The following FGF9 variants were observed in gnomAD, a reference collection of about 807,000 sequenced individuals.
The protein encoded by FGF9 is fibroblast growth factor 9 (glia-activating factor).
In FGF9, 3 loss-of-function variants were observed where a neutral mutation model predicts 19.9. The observed-to-expected ratio is 0.15, with a 90% CI of 0.07 to 0.39. The LOEUF (loss-of-function observed/expected upper bound fraction) is 0.39. Among genes scored for constraint, FGF9 ranks in the 10% least tolerant of loss-of-function variants. FGF9 has a pLI of 1.00. For missense variants in FGF9, 175 were observed against 256.8 expected (o/e 0.68, Z 2.18); for synonymous variants, 107 against 106.9 (o/e 1.00, Z -0.01).
In FGF9 at chr13:21,681,091, C is replaced by A. The variant is rs34748315; in HGVS notation, c.327C>A (p.Gly109=). The A allele has an allele frequency of 6.2e-6, 10 of 1,613,998 alleles. No homozygotes were observed. The East Asian group carries it at 2.2e-4, about 36-fold the overall frequency. The part of the protein sequence containing the change: ...SIAVGLVSIR[G]VDSGLYLGMN... The stretch of plus-strand genomic sequence containing the variant: ...CAGTGGGCCTGGTCAGCATTCGAGG[C>A]GTGGACAGTGGACTCTACCTCGGGA... The change falls in exon 2 of 3, where the codon GGC becomes GGA. Residue 109 remains glycine, a synonymous_variant. Coordinates refer to ENST00000382353, the MANE Select transcript of FGF9 (RefSeq NM_002010.3).
At chr13:21,700,360 GAGTT>G (rs1361042334) in intron 2 of FGF9, among the ~76,000 whole-genome samples, 2 of 152,170 alleles carry the variant, frequency 1.3e-5, no homozygotes, top group Admixed American at 6.5e-5. Context: ...TGTAGACTGA[GAGTT>G]AGGATTCTGC....
chr13:21,683,490 CACCTT>C (rs1452147597), intron 2 of FGF9, among the ~76,000 whole-genome samples: 1 of 152,176 alleles, frequency 6.6e-6, no homozygotes, highest in African/African-American at 2.4e-5. Context: ...CTGGCTGCCT[CACCTT>C]GGGCTTTTTG....
intron 2 of FGF9, 68 bp downstream of exon 2, chr13:21,681,213 G>C: frequency 8.4e-7 from 1 of 1,190,406 alleles, no homozygotes; most frequent in African/African-American, 1.5e-5. Context: ...CTTTTCTCTG[G>C]ATTAAAAAGG....
At chr13:21,680,489 T>C (rs1164467952) in intron 1 of FGF9, among the ~76,000 whole-genome samples, 1 of 152,178 alleles carries the variant, frequency 6.6e-6, no homozygotes, top group Non-Finnish European at 1.5e-5. Flanking sequence ...GGTATTTATT[T>C]CTCCCAGTTC....
At chr13:21,699,867 T>C (rs1265152487) in intron 2 of FGF9, among the ~76,000 whole-genome samples, 1 of 152,188 alleles carries the variant, frequency 6.6e-6, no homozygotes, top group Non-Finnish European at 1.5e-5. Flanking sequence ...GTGTTTACTG[T>C]TTTAAACACT....
intron 2 of FGF9, among the ~76,000 whole-genome samples, chr13:21,697,948 C>T (rs1208925275): frequency 1.3e-5 from 2 of 152,002 alleles, no homozygotes; most frequent in East Asian, 3.9e-4. Flanking sequence ...GCTGGGACTA[C>T]AGGCGCCCAC....
intron 2 of FGF9, among the ~76,000 whole-genome samples, chr13:21,686,729 T>C (rs1165188864): frequency 6.6e-6 from 1 of 152,226 alleles, no homozygotes; most frequent in Non-Finnish European, 1.5e-5. Flanking sequence ...AGTTGGCACA[T>C]GGTAAATGTT....
rs374285670 is a variant in FGF9 at position 21,680,990 on chromosome 13, G to T, written c.278-52G>T. On this transcript the variant is annotated intron_variant, in intron 1 of 2. Transcript: ENST00000382353. ...AACCCCAGGGATGCTGGGACTCTAA[G>T]GACATGCTCTGTGATCTGATCTGTC... The T allele has an allele frequency of 1.6e-4, 219 of 1,396,186 alleles. No homozygotes were observed. The African/African-American group carries it at 2.9e-3, about 18-fold the overall frequency. 86.5% of individuals were successfully genotyped at this position (1,396,186 alleles called of 1,614,324 possible).
At chr13:21,694,482 C>A (rs564056332) in intron 2 of FGF9, among the ~76,000 whole-genome samples, 18 of 152,170 alleles carry the variant, frequency 1.2e-4, no homozygotes, top group Non-Finnish European at 2.1e-4. Context: ...AATTTTACTT[C>A]TCAGCCTTTT....
chr13:21,702,027 AT>A lies in FGF9; in HGVS notation c.*595del, dbSNP rs1872562887. 2 of 151,416 alleles carry A rather than the reference AT, an allele frequency of 1.3e-5. No individual in the cohort carries two copies. 9.4% of individuals were successfully genotyped at this position (151,416 alleles called of 1,614,324 possible). A position where few individuals can be genotyped will look rare whatever the true frequency, so the allele number is the denominator to read the frequency against. On this transcript the variant is annotated 3_prime_UTR_variant, in exon 3 of 3. Coordinates refer to ENST00000382353, the MANE Select transcript of FGF9 (RefSeq NM_002010.3). ...AAAAAATAAAAATAAAAAAAGTTAA[AT>A]TTATTTATAGAAATTCCAAAGGCAA...
rs17070333 is a variant in FGF9 at position 21,686,493 on chromosome 13, T to C, written c.381+5348T>C. On this transcript the variant is annotated intron_variant, in intron 2 of 2. Transcript: ENST00000382353. ...GGTACAGGTACTAACATTGTAAGGA[T>C]GTTGGAACATACAGCATGGAGTCTG... Among the ~76,000 whole-genome samples, 1,519 of 152,332 alleles carry C rather than the reference T, an allele frequency of 1.0e-2. 16 individuals are homozygous for C. Among genetic ancestry groups the C allele is most frequent in the Non-Finnish European group, 0.016 (1,074 of 68,024 alleles).
chr13:21,693,664 C>T (rs996704392), intron 2 of FGF9, among the ~76,000 whole-genome samples: 5 of 152,076 alleles, frequency 3.3e-5, no homozygotes, highest in Non-Finnish European at 5.9e-5. Flanking sequence ...ATGAATGAGC[C>T]CTGTCTATTG....
rs1053732177 is a variant in FGF9, at chr13:21,701,451, C to T, written c.*16C>T. The T allele has an allele frequency of 3.7e-6, 6 of 1,613,866 alleles. No individual in the cohort carries two copies. The highest frequency in any genetic ancestry group is 5.1e-6 in the Non-Finnish European group (6 of 1,179,928). ...CCAAAGTTGACAAAGACAGTTTCTT[C>T]ACTTGAGCCCTTAAAAAAGTAACCA... On this transcript the variant is annotated 3_prime_UTR_variant, in exon 3 of 3. Transcript: ENST00000382353.
In FGF9 at chr13:21,701,868, T is replaced by C. The variant is rs1330379615; in HGVS notation, c.*433T>C. 1 of 184,302 alleles carries C rather than the reference T, an allele frequency of 5.4e-6. No homozygotes were observed. The highest frequency in any genetic ancestry group is 5.5e-5 in the Admixed American group (1 of 18,202). 11.4% of individuals were successfully genotyped at this position (184,302 alleles called of 1,614,324 possible). A position where few individuals can be genotyped will look rare whatever the true frequency, so the allele number is the denominator to read the frequency against. ...TCCTATATCAGCACAGCTGCCATAC[T>C]TCGACTTATCAGGATTCTGGCTGGT... On this transcript the variant is annotated 3_prime_UTR_variant, in exon 3 of 3. Transcript: ENST00000382353.
rs1872598877 is a variant in FGF9 at position 21,703,892 on chromosome 13, T to G, written c.*2457T>G. 1 of 152,186 alleles carries G rather than the reference T, an allele frequency of 6.6e-6. No homozygotes were observed. Among genetic ancestry groups the G allele is most frequent in the Non-Finnish European group, 1.5e-5 (1 of 68,022 alleles). 9.4% of individuals were successfully genotyped at this position (152,186 alleles called of 1,614,324 possible). A position where few individuals can be genotyped will look rare whatever the true frequency, so the allele number is the denominator to read the frequency against. On this transcript the variant is annotated 3_prime_UTR_variant, in exon 3 of 3. Transcript: ENST00000382353. ...AGTTAATTTTGTTTGGTACTTTTTT[T>G]TTTTTTAAGACGAGCAAATTGTTAT...
At chr13:21,699,330 T>C (rs536879477) in intron 2 of FGF9, among the ~76,000 whole-genome samples, 3 of 152,352 alleles carry the variant, frequency 2.0e-5, no homozygotes, top group African/African-American at 7.2e-5. Flanking sequence ...ATCCTTTTTG[T>C]CTTTGCCTGA....
chr13:21,692,435 T>C (rs897807643), intron 2 of FGF9, among the ~76,000 whole-genome samples: 23 of 152,218 alleles, frequency 1.5e-4, no homozygotes, highest in African/African-American at 5.5e-4. Flanking sequence ...AGTCTATACT[T>C]GCATGCTGAC....
At chr13:21,681,392 A>T (rs1872039644) in intron 2 of FGF9, 1 of 379,850 alleles carries the variant, frequency 2.6e-6, no homozygotes, top group Non-Finnish European at 4.9e-6. Context: ...TCAAGTAAAT[A>T]AAAAAATTTA....
intron 2 of FGF9, among the ~76,000 whole-genome samples, chr13:21,698,405 TC>T (rs1791555959): frequency 6.6e-6 from 1 of 152,224 alleles, no homozygotes; most frequent in South Asian, 2.1e-4. Flanking sequence ...GGGAGCTTCC[TC>T]GGTGTTCAGC....
Sources: allele counts gnomAD v4.1 joint callset (sites outside exome capture counted in the v4.1 genomes callset), GRCh38; gene constraint gnomAD v4.1.1; transcripts MANE v1.5; gene names NCBI Gene and HGNC (gene_info 2026-07-23, HGNC 2026-07-21).